SALL2: variants seen among roughly 807,000 people sequenced by gnomAD.
SALL2 encodes the protein spalt like transcription factor 2.
SALL2 carries 32 observed loss-of-function variants against 58.5 expected under a neutral mutation model. That is an observed-to-expected ratio of 0.55 (90% CI 0.41 to 0.74). The LOEUF (loss-of-function observed/expected upper bound fraction) is 0.74, where lower values mean the gene tolerates loss of function less well. Among genes scored for constraint, SALL2 ranks in the 30% least tolerant of loss-of-function variants. The probability of loss-of-function intolerance (pLI) is 0.00; values close to 1 mark genes in which losing one functional copy is unlikely to be tolerated. For missense variants in SALL2, 1,201 were observed against 1,268.9 expected (o/e 0.95, Z 0.81); for synonymous variants, 516 against 513.6 (o/e 1.00, Z -0.06).
Position 21,525,432 on chromosome 14 carries a change from G to A in SALL2, c.290C>T (p.Pro97Leu), listed in dbSNP as rs747794968. 1.2e-6 allele frequency: 2 copies of A among 1,613,958 alleles called. No individual in the cohort carries two copies. The highest frequency in any genetic ancestry group is 1.1e-5 in the South Asian group (1 of 91,060). The change falls in exon 2 of 2, where the codon CCC (proline) becomes CTC (leucine). Residue 97 changes from proline to leucine, a missense_variant. By Grantham distance (98) the Pro-to-Leu change is moderately conservative. Coordinates refer to ENST00000537235, the MANE Select transcript of SALL2 (RefSeq NM_001364564.1). This position sits in a 1 kb window ranked among gnomAD's most constrained non-coding sequence, Gnocchi z 4.4. The stretch of plus-strand genomic sequence containing the variant: ...GGGCACGGAGGACCCAGAATCTGGG[G>A]GGTTGCTATGCTCTGTGTCCATGAC... ...PQVMDTEHSN[P>L]PDSGSSVPTD...
Position 21,522,916 on chromosome 14 carries a change from G to T in SALL2, c.2806C>A (p.Pro936Thr), listed in dbSNP as rs752211368. Residue 936 changes from proline to threonine, a missense_variant, in exon 2 of 2, where the codon CCG becomes ACG. This residue lies in a region of SALL2 where 675 missense variants were observed against 683.8 expected (regional missense o/e 0.99). Transcript: ENST00000537235. ...EHQKTHPKEG[P>T]LFTCVFCRQG... ...CTGCAGAAAACACAAGTGAAGAGCG[G>T]CCCCTCCTTGGGGTGGGTCTTCTGA... is the stretch of plus-strand genomic sequence containing the variant. The T allele has an allele frequency of 1.9e-6, 3 of 1,613,574 alleles. No individual in the cohort carries two copies. Among genetic ancestry groups the T allele is most frequent in the African/African-American group, 2.7e-5 (2 of 74,894 alleles).
rs781123204 is a variant in SALL2, at chr14:21,522,493, G to T, written c.*211C>A. 1.1e-5 allele frequency: 15 copies of T among 1,391,054 alleles called. No homozygotes were observed. The highest frequency in any genetic ancestry group is 1.4e-5 in the Non-Finnish European group (15 of 1,077,746). 86.2% of individuals were successfully genotyped at this position (1,391,054 alleles called of 1,614,324 possible). On this transcript the variant is annotated 3_prime_UTR_variant, in exon 2 of 2. Coordinates refer to ENST00000537235, the MANE Select transcript of SALL2 (RefSeq NM_001364564.1). ...AGAATCTATGTTCCTCAGGTACAAA[G>T]AATGAGGAGGGAAGAAAAATTCCTT...
intron 1 of SALL2, 42 bp downstream of exon 1, chr14:21,526,019 C>T (rs1892288857): frequency 1.5e-6 from 2 of 1,374,380 alleles, no homozygotes; most frequent in Non-Finnish European, 2.0e-6. Flanking sequence ...GCGCATCCCC[C>T]TCCGCCCCCA....
upstream of SALL2, among the ~76,000 whole-genome samples, chr14:21,528,060 C>T (rs1258751819): frequency 6.6e-6 from 1 of 151,780 alleles, no homozygotes; most frequent in Non-Finnish European, 1.5e-5. Flanking sequence ...ATGGCTTGAA[C>T]CCAGGAGGTG....
At position 21,536,328 on chromosome 14, in the gene SALL2, A is replaced by G. The variant is rs558452060; in HGVS notation, c.-114+634T>C. On this transcript the variant is annotated intron_variant, in intron 1 of 1. Coordinates refer to the SALL2 transcript ENST00000541965. ...GCATACACACCCCAAACCAGGCTGC[A>G]TTCTGACCGACCTTAGCTCTCTCCC... 6.6e-5 allele frequency among the ~76,000 whole-genome samples: 10 copies of G among 152,322 alleles called. No homozygotes were observed. The South Asian group carries it at 1.9e-3, about 28-fold the overall frequency.
chr14:21,526,281 C>A lies in SALL2; in HGVS notation c.-154G>T. 8.0e-7 allele frequency: 1 copy of A among 1,257,826 alleles called. No individual in the cohort carries two copies. Among genetic ancestry groups the A allele is most frequent in the African/African-American group, 1.7e-5 (1 of 60,424 alleles). The allele number at this position is 1,257,826 out of a possible 1,614,324, so 77.9% of individuals were successfully genotyped here. On this transcript the variant is annotated 5_prime_UTR_variant, in exon 1 of 2. Coordinates refer to ENST00000537235, the MANE Select transcript of SALL2 (RefSeq NM_001364564.1). ...CAGCGGCGGGGGCAGGGAGCAGCGG[C>A]GGAGGGGGAGGGGAGCGAGGAGGCG... is the stretch of plus-strand genomic sequence containing the variant.
At position 21,522,362 on chromosome 14, in the gene SALL2, G is replaced by A. The variant is rs1019040655; in HGVS notation, c.*342C>T. ...TTTTGGCTAGGCTGCAATGCCAAAT[G>A]TAGGTGCTCAGGTGCACCTACCAAA... On this transcript the variant is annotated 3_prime_UTR_variant, in exon 2 of 2. Transcript: ENST00000537235. 2.1e-6 allele frequency: 3 copies of A among 1,446,312 alleles called. No homozygotes were observed. Among genetic ancestry groups the A allele is most frequent in the Middle Eastern group, 2.4e-4 (1 of 4,108 alleles). The allele number at this position is 1,446,312 out of a possible 1,614,324, so 89.6% of individuals were successfully genotyped here. A position where few individuals can be genotyped will look rare whatever the true frequency, so the allele number is the denominator to read the frequency against.
chr14:21,536,473 G>T (rs1323820032), intron 1 of SALL2, among the ~76,000 whole-genome samples: 1 of 152,152 alleles, frequency 6.6e-6, no homozygotes, highest in Non-Finnish European at 1.5e-5. Context: ...TCTCCAGAAA[G>T]AAAAGGGGGG....
In SALL2 at chr14:21,526,256, C is replaced by T; in HGVS notation, c.-129G>A. The T allele has an allele frequency of 2.1e-6, 3 of 1,441,636 alleles. No individual in the cohort carries two copies. Among genetic ancestry groups the T allele is most frequent in the Non-Finnish European group, 2.7e-6 (3 of 1,100,066 alleles). The allele number at this position is 1,441,636 out of a possible 1,614,324, so 89.3% of individuals were successfully genotyped here. On this transcript the variant is annotated 5_prime_UTR_variant, in exon 1 of 2. Coordinates refer to ENST00000537235, the MANE Select transcript of SALL2 (RefSeq NM_001364564.1). The stretch of plus-strand genomic sequence containing the variant: ...CCCAGACTGCGGAGATGGAGATCGG[C>T]AGCGGCGGGGGCAGGGAGCAGCGGC...
rs142138768 is a variant in SALL2, at chr14:21,522,763, A to G, written c.2959T>C (p.Ser987Pro). The G allele has an allele frequency of 1.3e-3, 2,019 of 1,567,112 alleles. 13 individuals are homozygous for G. Among genetic ancestry groups the G allele is most frequent in the South Asian group, 6.1e-3 (495 of 81,696 alleles). The change falls in exon 2 of 2, where the codon TCC (serine) becomes CCC (proline). Residue 987 changes from serine (S) to proline (P), a missense_variant. Physicochemically the swap from Ser to Pro is moderately conservative, Grantham distance 74. This residue lies in a region of SALL2 where 675 missense variants were observed against 683.8 expected (regional missense o/e 0.99). Transcript: ENST00000537235. ...ALSLVPGCSP[S>P]ITSTGLSPFP... is the part of the protein sequence containing the mutation. Reference sequence around the variant, plus strand: ...GGGGAGAGCCCTGTGGAGGTGATGGAAGGCGAACAGCCAGGGACTAGAGAA... The same window carrying G: ...GGGGAGAGCCCTGTGGAGGTGATGGGAGGCGAACAGCCAGGGACTAGAGAA...
At chr14:21,533,147 G>A (rs1892509361) in intron 1 of SALL2, among the ~76,000 whole-genome samples, 1 of 152,114 alleles carries the variant, frequency 6.6e-6, no homozygotes, top group Non-Finnish European at 1.5e-5. Flanking sequence ...AAGGTCACAT[G>A]TGCCCAAGGT....
rs766460702 is a variant in SALL2 at position 21,522,777 on chromosome 14, G to A, written c.2945C>T (p.Pro982Leu). The A allele has an allele frequency of 1.9e-6, 3 of 1,587,380 alleles. No individual in the cohort carries two copies. The highest frequency in any genetic ancestry group is 2.6e-6 in the Non-Finnish European group (3 of 1,168,668). ...PQNIAALSLV[P>L]GCSPSITSTG... ...GGAGGTGATGGAAGGCGAACAGCCAGGGACTAGAGAAAGAGCAGCAATATT... is the reference window on the plus strand; with the variant it reads ...GGAGGTGATGGAAGGCGAACAGCCAAGGACTAGAGAAAGAGCAGCAATATT... The change falls in exon 2 of 2, where the codon CCT becomes CTT. Residue 982 changes from proline to leucine, a missense_variant. Around this residue, in one of 3 missense-constraint regions of SALL2, gnomAD observed 675 missense variants for 683.8 expected, o/e 0.99. Transcript: ENST00000537235.
At position 21,525,316 on chromosome 14, in the gene SALL2, C is replaced by T. The variant is rs146483578; in HGVS notation, c.406G>A (p.Gly136Arg). The T allele has an allele frequency of 1.1e-5, 17 of 1,613,310 alleles. No individual in the cohort carries two copies. Among genetic ancestry groups the T allele is most frequent in the Middle Eastern group, 1.6e-4 (1 of 6,084 alleles). Residue 136 changes from glycine to arginine, a missense_variant, in exon 2 of 2, where the codon GGG (glycine) becomes AGG (arginine). Physicochemically the swap from Gly to Arg is moderately radical, Grantham distance 125 (BLOSUM62 -2). Coordinates refer to ENST00000537235, the MANE Select transcript of SALL2 (RefSeq NM_001364564.1). The surrounding 1 kb of genome is among the most constrained non-coding windows in gnomAD (Gnocchi z 4.4). ...AATGTAAGGG[G>R]GLILASPKLG... is the part of the protein sequence containing the mutation. ...TTGGGACTGGCCAAGATCAGGCCCC[C>T]GCCTCCCCCAGCCGCTGTACCTGTG...
chr14:21,526,435 G>T (rs1594465180), upstream of SALL2: 2 of 1,345,008 alleles, frequency 1.5e-6, no homozygotes, highest in African/African-American at 3.0e-5. Flanking sequence ...GGGAGCGCTA[G>T]CGGGGGCGTG....
At chr14:21,536,950 G>T in intron 1 of SALL2, 8 of 1,606,018 alleles carry the variant, frequency 5.0e-6, no homozygotes, top group Non-Finnish European at 6.8e-6. Flanking sequence ...GAGAGGGAGG[G>T]GCAACGCTCA....
At chr14:21,533,272 C>A (rs1490864832) in intron 1 of SALL2, among the ~76,000 whole-genome samples, 1 of 152,108 alleles carries the variant, frequency 6.6e-6, no homozygotes, top group Non-Finnish European at 1.5e-5. Context: ...TTTTTCTGAT[C>A]TGGGAATACC....
upstream of SALL2, among the ~76,000 whole-genome samples, chr14:21,528,738 T>C (rs1892387156): frequency 6.6e-6 from 1 of 152,200 alleles, no homozygotes; most frequent in South Asian, 2.1e-4. Context: ...GAATTTTGAC[T>C]CCTGTCCAAT....
Position 21,523,182 on chromosome 14 carries a change from G to C in SALL2, c.2540C>G (p.Pro847Arg), listed in dbSNP as rs952134108. Reference protein sequence around the residue: ...PPPPPDSLDQPQPMEQGSSGV... With the variant: ...PPPPPDSLDQRQPMEQGSSGV... ...ACTGCTTCCCTGCTCCATTGGCTGA[G>C]GCTGATCCAGGCTGTCAGGTGGTGG... The change falls in exon 2 of 2, where the codon CCT becomes CGT. Residue 847 changes from proline (P) to arginine (R), a missense_variant. Pro to Arg is a moderately radical substitution (Grantham distance 103). Coordinates refer to ENST00000537235, the MANE Select transcript of SALL2 (RefSeq NM_001364564.1). This position sits in a 1 kb window ranked among gnomAD's most constrained non-coding sequence, Gnocchi z 4.4. 1 of 1,614,078 alleles carries C rather than the reference G, an allele frequency of 6.2e-7. No individual in the cohort carries two copies.
intron 1 of SALL2, among the ~76,000 whole-genome samples, chr14:21,534,304 G>T (rs912767782): frequency 6.6e-6 from 1 of 152,168 alleles, no homozygotes; most frequent in Non-Finnish European, 1.5e-5. Context: ...ATTCTGATGA[G>T]AAAATCCTTA....
Sources: gnomAD v4.1 joint callset for allele counts (sites outside exome capture counted in the v4.1 genomes callset) on GRCh38, gnomAD v4.1.1 for gene constraint, gnomAD v4.1.1 regional missense constraint, Gnocchi (gnomAD v3.1) non-coding constraint, MANE v1.5 for transcripts, NCBI Gene and HGNC (gene_info 2026-07-23, HGNC 2026-07-21) for gene names.